Variants in CNTNAP2 observed in about 807,000 individuals in gnomAD.
CNTNAP2 encodes the protein contactin associated protein 2, also known as contactin-associated protein-like 2.
In CNTNAP2, 98 loss-of-function variants were observed where a neutral mutation model predicts 155.2. That is an observed-to-expected ratio of 0.63 (90% CI 0.54 to 0.75). The LOEUF is 0.75. Among genes scored for constraint, CNTNAP2 ranks in the 30% least tolerant of loss-of-function variants. CNTNAP2 has a pLI of 0.00. For synonymous variants in CNTNAP2, 651 were observed against 631.2 expected (o/e 1.03, Z -0.47); for missense variants, 1,727 against 1,688.1 (o/e 1.02, Z -0.40).
rs2129285318 is a variant in CNTNAP2 at position 147,132,447 on chromosome 7, G to A, written c.1286G>A (p.Ser429Asn). 1 of 1,613,680 alleles carries A rather than the reference G, an allele frequency of 6.2e-7. No individual in the cohort carries two copies. ...AATGTGGAGATTGACCTCACTGAAA[G>A]CAAAGTGGGTGTTCACATCAACATC... is the stretch of plus-strand genomic sequence containing the variant. The part of the protein sequence containing the change: ...LGNVEIDLTE[S>N]KVGVHINITQ... The change falls in exon 8 of 24, where the codon AGC becomes AAC. Residue 429 changes from serine (S) to asparagine (N), a missense_variant. Physicochemically the swap from Ser to Asn is conservative, Grantham distance 46. Coordinates refer to ENST00000361727, the MANE Select transcript of CNTNAP2 (RefSeq NM_014141.6).
At chr7:146,631,516 T>G (rs1799510933) in intron 1 of CNTNAP2, among the ~76,000 whole-genome samples, 2 of 152,156 alleles carry the variant, frequency 1.3e-5, no homozygotes, top group African/African-American at 4.8e-5. Context: ...TGTGAGAGCC[T>G]TCTGAGTATT....
intron 8 of CNTNAP2, among the ~76,000 whole-genome samples, chr7:147,274,975 G>C (rs1019158866): frequency 6.6e-6 from 1 of 151,864 alleles, no homozygotes; most frequent in Non-Finnish European, 1.5e-5. Flanking sequence ...AGATCTCTTG[G>C]TTGTGTGTGG....
chr7:146,765,274 A>G (rs1802175101), intron 1 of CNTNAP2, among the ~76,000 whole-genome samples: 1 of 152,186 alleles, frequency 6.6e-6, no homozygotes, highest in African/African-American at 2.4e-5. Context: ...ATTACAAGTC[A>G]TTTTAAGTTG....
At chr7:147,136,363 G>A (rs139810738) in intron 8 of CNTNAP2, among the ~76,000 whole-genome samples, 70 of 151,994 alleles carry the variant, frequency 4.6e-4, no homozygotes, top group African/African-American at 1.6e-3. Context: ...TTCAATTTTC[G>A]AATGGCTGTT....
intron 1 of CNTNAP2, among the ~76,000 whole-genome samples, chr7:146,614,007 A>G (rs1197624385): frequency 6.6e-6 from 1 of 152,162 alleles, no homozygotes; most frequent in Non-Finnish European, 1.5e-5. Context: ...TAGACCCTTT[A>G]TCATATTATC....
chr7:146,640,283 G>C (rs983785626), intron 1 of CNTNAP2, among the ~76,000 whole-genome samples: 2 of 152,178 alleles, frequency 1.3e-5, no homozygotes, highest in Non-Finnish European at 2.9e-5. Flanking sequence ...AATCCCAAAG[G>C]AAAGATACGT....
intron 8 of CNTNAP2, among the ~76,000 whole-genome samples, chr7:147,178,600 C>T (rs1802395000): frequency 6.6e-6 from 1 of 152,154 alleles, no homozygotes; most frequent in Non-Finnish European, 1.5e-5. Flanking sequence ...TACAACATCA[C>T]TCTGCCCCTC....
chr7:148,002,112 GT>G (rs1445164144), intron 15 of CNTNAP2, among the ~76,000 whole-genome samples: 2 of 152,096 alleles, frequency 1.3e-5, no homozygotes, highest in African/African-American at 4.8e-5. Flanking sequence ...ACCATAATTA[GT>G]TGCATGTATA....
chr7:146,336,678 A>G (rs1004296929), intron 1 of CNTNAP2, among the ~76,000 whole-genome samples: 1 of 152,172 alleles, frequency 6.6e-6, no homozygotes, highest in Non-Finnish European at 1.5e-5. Flanking sequence ...AACTGGAAAA[A>G]CTAAAATACT....
chr7:147,220,216 A>G (rs1018809685), intron 8 of CNTNAP2, among the ~76,000 whole-genome samples: 2 of 152,128 alleles, frequency 1.3e-5, no homozygotes, highest in Non-Finnish European at 2.9e-5. Context: ...CTCCTTTATC[A>G]ATATGAGATT....
intron 2 of CNTNAP2, among the ~76,000 whole-genome samples, chr7:146,778,782 T>C (rs1802433808): frequency 1.3e-5 from 2 of 152,332 alleles, no homozygotes; most frequent in Admixed American, 1.3e-4. Flanking sequence ...AATCAATTCT[T>C]CTGCCAAACT....
chr7:147,545,038 C>A (rs1394711539), intron 11 of CNTNAP2, among the ~76,000 whole-genome samples: 3 of 151,994 alleles, frequency 2.0e-5, no homozygotes, highest in African/African-American at 7.3e-5. Flanking sequence ...TACACGTACT[C>A]ATAGACATAT....
intron 3 of CNTNAP2, among the ~76,000 whole-genome samples, chr7:146,860,576 A>T (rs1280928408): frequency 6.6e-6 from 1 of 152,218 alleles, no homozygotes; most frequent in Non-Finnish European, 1.5e-5. Context: ...TGAAAGAAAA[A>T]TGGATCATAT....
intron 3 of CNTNAP2, among the ~76,000 whole-genome samples, chr7:146,926,371 T>C (rs1034510521): frequency 2.6e-5 from 4 of 152,164 alleles, no homozygotes; most frequent in African/African-American, 9.6e-5. Context: ...CAGTACTTTG[T>C]GTAGAAAAAT....
chr7:148,309,132 G>A (rs1319037064), intron 21 of CNTNAP2, among the ~76,000 whole-genome samples: 3 of 152,136 alleles, frequency 2.0e-5, no homozygotes, highest in Non-Finnish European at 4.4e-5. Context: ...TCTGGTTCTA[G>A]ATTCTTGAGG....
chr7:146,995,238 T>C (rs1415416563), intron 3 of CNTNAP2, among the ~76,000 whole-genome samples: 3 of 152,098 alleles, frequency 2.0e-5, no homozygotes, highest in Non-Finnish European at 2.9e-5. Context: ...CATTCATCCA[T>C]TGGTAACATT....
At chr7:146,659,358 G>C (rs758437310) in intron 1 of CNTNAP2, among the ~76,000 whole-genome samples, 3 of 152,136 alleles carry the variant, frequency 2.0e-5, no homozygotes, top group Non-Finnish European at 4.4e-5. Context: ...GTGGAGTTCT[G>C]TGTTGCTCCA....
At chr7:147,895,971 G>A (rs1799769737) in intron 13 of CNTNAP2, among the ~76,000 whole-genome samples, 1 of 152,168 alleles carries the variant, frequency 6.6e-6, no homozygotes, top group African/African-American at 2.4e-5. Flanking sequence ...GCTAAGTTAA[G>A]CATTTTGTGC....
intron 1 of CNTNAP2, among the ~76,000 whole-genome samples, chr7:146,301,146 A>T (rs942965033): frequency 1.3e-5 from 2 of 152,214 alleles, no homozygotes; most frequent in Non-Finnish European, 2.9e-5. Context: ...AATGCTGTTT[A>T]TAATAATACA....
Sources: allele counts gnomAD v4.1 joint callset (sites outside exome capture counted in the v4.1 genomes callset), GRCh38; gene constraint gnomAD v4.1.1; transcripts MANE v1.5; gene names NCBI Gene and HGNC (gene_info 2026-07-23, HGNC 2026-07-21).